Variants in EFR3A observed in about 807,000 individuals in gnomAD.
The protein encoded by EFR3A is protein EFR3 homolog A.
EFR3A carries 76 observed loss-of-function variants against 104.4 expected under a neutral mutation model. That is an observed-to-expected ratio of 0.73 (90% confidence interval 0.60 to 0.88). The LOEUF (loss-of-function observed/expected upper bound fraction) is 0.88. Ranked by LOEUF, EFR3A falls within the 40% of genes least tolerant of loss-of-function variation. The probability of loss-of-function intolerance (pLI) is 0.00; values close to 1 mark genes in which losing one functional copy is unlikely to be tolerated. For synonymous variants in EFR3A, 330 were observed against 330.0 expected (o/e 1.00, Z 0.00); for missense variants, 985 against 1,012.5 (o/e 0.97, Z 0.37).
Position 131,978,908 on chromosome 8 carries a change from C to T in EFR3A, c.1388C>T (p.Pro463Leu), listed in dbSNP as rs182899732. Residue 463 changes from proline to leucine, a missense_variant, in exon 13 of 23, where the codon CCT becomes CTT. Physicochemically the swap from Pro to Leu is moderately conservative, Grantham distance 98 (BLOSUM62 -3). Transcript: ENST00000254624. ...VTALPGSFLD[P>L]LLSPSLMEDY... Reference sequence around the variant, plus strand: ...GCACTGCCAGGGTCTTTCCTGGATCCTTTGTTATCACCATCTCTCATGGAG... The same window carrying T: ...GCACTGCCAGGGTCTTTCCTGGATCTTTTGTTATCACCATCTCTCATGGAG... 2 of 1,612,772 alleles carry T rather than the reference C, an allele frequency of 1.2e-6. No individual in the cohort carries two copies. Among genetic ancestry groups the T allele is most frequent in the Admixed American group, 1.7e-5 (1 of 59,920 alleles).
intron 22 of EFR3A, among the ~76,000 whole-genome samples, chr8:132,008,752 T>C (rs906356368): frequency 1.4e-5 from 2 of 147,372 alleles, no homozygotes; most frequent in African/African-American, 5.0e-5. Context: ...ATTGAAAGTG[T>C]TCAGTATCTC....
chr8:131,988,519 T>C (rs1044383447), intron 18 of EFR3A, among the ~76,000 whole-genome samples: 8 of 152,116 alleles, frequency 5.3e-5, no homozygotes, highest in African/African-American at 1.7e-4. Flanking sequence ...CAGTCTGAGA[T>C]GTTAATGAGT....
At chr8:131,966,315 T>TA (rs1009458086) in intron 8 of EFR3A, among the ~76,000 whole-genome samples, 5 of 152,186 alleles carry the variant, frequency 3.3e-5, no homozygotes, top group Admixed American at 3.3e-4. Flanking sequence ...ATGGAGTAAT[T>TA]ACGGTGAACC....
chr8:132,002,221 T>C (rs1821818468), intron 20 of EFR3A, among the ~76,000 whole-genome samples: 1 of 152,140 alleles, frequency 6.6e-6, no homozygotes, highest in Admixed American at 6.5e-5. Flanking sequence ...ATTTAGCAAA[T>C]ATTTTATGTA....
rs117037161 is a variant in EFR3A at position 131,912,556 on chromosome 8, C to G, written c.10+8234C>G. Reference sequence around the variant, plus strand: ...CAATATAGCAATATGTTATCAAATACGCAAATCTTAAACCACTGACACAGT... The same window carrying G: ...CAATATAGCAATATGTTATCAAATAGGCAAATCTTAAACCACTGACACAGT... On this transcript the variant is annotated intron_variant, in intron 1 of 22. Coordinates refer to ENST00000254624, the MANE Select transcript of EFR3A (RefSeq NM_015137.6). Among the ~76,000 whole-genome samples, 766 of 152,224 alleles carry G rather than the reference C, an allele frequency of 5.0e-3. 2 individuals are homozygous for G. The highest frequency in any genetic ancestry group is 7.6e-3 in the Admixed American group (117 of 15,302).
At chr8:131,996,780 T>C (rs967049249) in intron 19 of EFR3A, among the ~76,000 whole-genome samples, 29 of 152,104 alleles carry the variant, frequency 1.9e-4, no homozygotes, top group Non-Finnish European at 2.4e-4. Context: ...CTGTAAAGTA[T>C]AAGATTTTTT....
At chr8:131,972,191 T>G (rs1820093349) in intron 10 of EFR3A, among the ~76,000 whole-genome samples, 1 of 152,012 alleles carries the variant, frequency 6.6e-6, no homozygotes, top group Non-Finnish European at 1.5e-5. Flanking sequence ...ATCATTTTAG[T>G]GCTCAGATTG....
chr8:131,952,610 C>T (rs1022278054), intron 5 of EFR3A, among the ~76,000 whole-genome samples: 8 of 152,110 alleles, frequency 5.3e-5, no homozygotes, highest in Non-Finnish European at 1.0e-4. Flanking sequence ...AAAGCAGGCA[C>T]CTTGTGTAGG....
Position 131,995,523 on chromosome 8 carries a change from T to C in EFR3A, c.2066-883T>C, listed in dbSNP as rs78045393. Among the ~76,000 whole-genome samples the C allele has an allele frequency of 7.4e-4, 113 of 152,150 alleles. 1 individual carries two copies. The East Asian group carries it at 0.02, about 26-fold the overall frequency. On this transcript the variant is annotated intron_variant, in intron 18 of 22. Coordinates refer to ENST00000254624, the MANE Select transcript of EFR3A (RefSeq NM_015137.6). ...GAATGCTAAAGTAGAAAAACAGAAGTAGAAAAGAAGGTATGTAAGGACATT... is the reference window on the plus strand; with the variant it reads ...GAATGCTAAAGTAGAAAAACAGAAGCAGAAAAGAAGGTATGTAAGGACATT...
intron 8 of EFR3A, among the ~76,000 whole-genome samples, chr8:131,964,606 A>G (rs934406508): frequency 2.6e-5 from 4 of 152,206 alleles, no homozygotes; most frequent in African/African-American, 7.2e-5. Context: ...TTCCATGCTC[A>G]TGGTAGAAGA....
Position 131,964,600 on chromosome 8 carries a change from A to G in EFR3A, c.856-3695A>G, listed in dbSNP as rs190976679. On this transcript the variant is annotated intron_variant, in intron 8 of 22. Transcript: ENST00000254624. ...ATATAAACAAATGGAAGAACATTCCATGCTCATGGTAGAAGAATCAATATC... is the reference window on the plus strand; with the variant it reads ...ATATAAACAAATGGAAGAACATTCCGTGCTCATGGTAGAAGAATCAATATC... Among the ~76,000 whole-genome samples the G allele has an allele frequency of 6.1e-4, 93 of 152,360 alleles. 2 individuals are homozygous for G. The East Asian group carries it at 0.013, about 21-fold the overall frequency.
intron 12 of EFR3A, among the ~76,000 whole-genome samples, 158 bp from the exon 13 acceptor site, chr8:131,978,689 A>G (rs1444146876): frequency 6.6e-6 from 1 of 152,190 alleles, no homozygotes. Context: ...TAAATTCAGC[A>G]AAATCCTTCA....
chr8:131,952,344 G>A (rs1818749764), intron 5 of EFR3A, among the ~76,000 whole-genome samples: 1 of 152,080 alleles, frequency 6.6e-6, no homozygotes, highest in African/African-American at 2.4e-5. Context: ...ATTCGTTTTG[G>A]GGGGTCATGG....
chr8:131,905,339 CCAATG>C, intron 1 of EFR3A, among the ~76,000 whole-genome samples: 1 of 152,230 alleles, frequency 6.6e-6, no homozygotes, highest in South Asian at 2.1e-4. Context: ...AGGTCAGTCT[CCAATG>C]CACGTTTCGT....
chr8:131,989,367 C>T (rs995396094), intron 18 of EFR3A, among the ~76,000 whole-genome samples: 2 of 152,164 alleles, frequency 1.3e-5, no homozygotes, highest in Non-Finnish European at 2.9e-5. Context: ...TAGTACCCAT[C>T]ATCATCACAA....
At chr8:131,979,244 A>G (rs1820477708) in intron 13 of EFR3A, 102 bp from the exon 14 acceptor site, 1 of 1,035,384 alleles carries the variant, frequency 9.7e-7, no homozygotes, top group Non-Finnish European at 1.4e-6. Flanking sequence ...CATTACATAC[A>G]GGCTTATCAA....
At chr8:131,979,137 T>C (rs1389823491) in intron 13 of EFR3A, 118 bp downstream of exon 13, 13 of 1,173,086 alleles carry the variant, frequency 1.1e-5, no homozygotes, top group Non-Finnish European at 1.5e-5. Flanking sequence ...ATCCATAATT[T>C]TATTTAATTG....
rs1284204148 is a variant in EFR3A at position 131,940,723 on chromosome 8, T to TA, written c.87+149dup. On this transcript the variant is annotated intron_variant, in intron 2 of 22. Coordinates refer to ENST00000254624, the MANE Select transcript of EFR3A (RefSeq NM_015137.6). ...ACTTTTTTTATACTTTTCTTTTTTT[T>TA]ACTCTTAAATGACCCATGCTTGCTT... 5.4e-6 allele frequency: 7 copies of TA among 1,289,730 alleles called. No individual in the cohort carries two copies. The Admixed American group carries it at 9.3e-5, about 17-fold the overall frequency. The allele number at this position is 1,289,730 out of a possible 1,614,324, so 79.9% of individuals were successfully genotyped here.
intron 11 of EFR3A, 43 bp downstream of exon 11, chr8:131,976,184 A>T: frequency 8.1e-7 from 1 of 1,235,456 alleles, no homozygotes; most frequent in Non-Finnish European, 1.1e-6. Context: ...CTTGAGTTAC[A>T]TTTTATCCTA....
Sources: gnomAD v4.1 joint callset for allele counts (sites outside exome capture counted in the v4.1 genomes callset) on GRCh38, gnomAD v4.1.1 for gene constraint, MANE v1.5 for transcripts, NCBI Gene and HGNC (gene_info 2026-07-23, HGNC 2026-07-21) for gene names.